Variants in RBM27 observed in about 807,000 individuals in gnomAD.
RBM27 encodes RNA binding motif protein 27.
Under a neutral mutation model 135.3 loss-of-function variants are expected in RBM27, and 22 were observed. That is an observed-to-expected ratio of 0.16 (90% CI 0.12 to 0.23). RBM27 has a LOEUF of 0.23. Ranked by LOEUF, RBM27 falls within the 10% of genes least tolerant of loss-of-function variation. The probability of loss-of-function intolerance (pLI) is 1.00; values close to 1 mark genes in which losing one functional copy is unlikely to be tolerated. For synonymous variants in RBM27, 481 were observed against 442.4 expected (o/e 1.09, Z -1.10); for missense variants, 1,009 against 1,281.0 (o/e 0.79, Z 3.24).
chr5:146,258,778 T>G (rs1277663045), intron 11 of RBM27, among the ~76,000 whole-genome samples, 185 bp downstream of exon 11: 3 of 152,040 alleles, frequency 2.0e-5, no homozygotes, highest in East Asian at 3.9e-4. Flanking sequence ...ATTTTTTTTT[T>G]TTTTTTAAAA....
rs1299824436 is a variant in RBM27 at position 146,251,889 on chromosome 5, C to T, written c.1444+14C>T. ...CTCTGGTTCCAGGTAAGCTTTGCTACAGATGGCCATCCACCTCACTGATCT... is the reference window on the plus strand; with the variant it reads ...CTCTGGTTCCAGGTAAGCTTTGCTATAGATGGCCATCCACCTCACTGATCT... On this transcript the variant is annotated intron_variant, in intron 9 of 20. Coordinates refer to ENST00000265271, the MANE Select transcript of RBM27 (RefSeq NM_018989.2). 6.2e-7 allele frequency: 1 copy of T among 1,611,640 alleles called. No individual in the cohort carries two copies. The highest frequency in any genetic ancestry group is 1.1e-5 in the South Asian group (1 of 91,002).
In RBM27 at chr5:146,269,236, GA is replaced by G; in HGVS notation, c.2488del (p.Arg830AspfsTer5). ...EAMKLQQDMRKKRQEVLEKQI... is the reference protein window; with the variant it reads ...EAMKLQQDMRXKRQEVLEKQI... ...CAATGAAGTTACAACAAGATATGAG[GA>G]AAAAAAGACAGGAAGTGTTAGAAAA... On this transcript the variant is annotated frameshift_variant, in exon 16 of 21. Coordinates refer to ENST00000265271, the MANE Select transcript of RBM27 (RefSeq NM_018989.2). LOFTEE classifies it high-confidence loss of function. The G allele has an allele frequency of 6.2e-7, 1 of 1,606,890 alleles. No homozygotes were observed. The highest frequency in any genetic ancestry group is 8.5e-7 in the Non-Finnish European group (1 of 1,175,928).
intron 8 of RBM27, among the ~76,000 whole-genome samples, chr5:146,240,546 C>T (rs1328838054): frequency 2.6e-5 from 4 of 152,126 alleles, no homozygotes; most frequent in African/African-American, 7.2e-5. Context: ...AGGCTGGTCT[C>T]GAACTCCTGA....
chr5:146,267,795 A>G (rs770686944), intron 15 of RBM27, 27 bp downstream of exon 15: 2 of 1,591,460 alleles, frequency 1.3e-6, no homozygotes, highest in Non-Finnish European at 1.7e-6. Context: ...TTCTTGCCTT[A>G]CAGAAGAAAA....
chr5:146,204,384 A>G (rs544146324), intron 1 of RBM27, among the ~76,000 whole-genome samples: 2 of 152,322 alleles, frequency 1.3e-5, no homozygotes, highest in Admixed American at 6.5e-5. Flanking sequence ...TTTGAAAAAT[A>G]CTATGGAGTA....
chr5:146,283,358 C>T (rs370399050), intron 19 of RBM27, among the ~76,000 whole-genome samples: 1 of 151,852 alleles, frequency 6.6e-6, no homozygotes, highest in South Asian at 2.1e-4. Context: ...TGGGCAACAT[C>T]GGGAGACCCC....
rs566323471 is a variant in RBM27 at position 146,204,972 on chromosome 5, A to C, written c.59+1148A>C. On this transcript the variant is annotated intron_variant, in intron 1 of 20. Transcript: ENST00000265271. ...GAGTGCAGTGGCTGGATTTCGGCTC[A>C]CTGCAACCTCCGCCTCCCGGGTTCA... Among the ~76,000 whole-genome samples the C allele has an allele frequency of 2.8e-4, 42 of 152,110 alleles. No homozygotes were observed. The East Asian group carries it at 6.8e-3, about 24-fold the overall frequency.
intron 8 of RBM27, among the ~76,000 whole-genome samples, chr5:146,244,105 T>G (rs1269948332): frequency 6.6e-6 from 1 of 152,064 alleles, no homozygotes; most frequent in Non-Finnish European, 1.5e-5. Flanking sequence ...TAGGCTGCAG[T>G]TGTCACTGGT....
At chr5:146,223,256 T>C (rs1180489197) in intron 2 of RBM27, 147 bp from the exon 3 acceptor site, 25 of 497,828 alleles carry the variant, frequency 5.0e-5, no homozygotes, top group Non-Finnish European at 6.6e-5. Flanking sequence ...AACCTGAAAG[T>C]GGGATTCTCT....
chr5:146,263,061 T>C (rs1396534230), intron 13 of RBM27, among the ~76,000 whole-genome samples: 2 of 152,060 alleles, frequency 1.3e-5, no homozygotes, highest in Non-Finnish European at 2.9e-5. Context: ...TTTTTGTATT[T>C]TTAGTAGAGA....
Position 146,277,276 on chromosome 5 carries a change from G to A in RBM27, c.2988+5602G>A, listed in dbSNP as rs1326383949. Among the ~76,000 whole-genome samples, 3 of 152,064 alleles carry A rather than the reference G, an allele frequency of 2.0e-5. 1 individual carries two copies. The highest frequency in any genetic ancestry group is 7.2e-5 in the African/African-American group (3 of 41,388). ...TTTCTAGCACCTGTATCTGTCATAT[G>A]TATACATACTACCCATGCTGTTTTG... is the stretch of plus-strand genomic sequence containing the variant. On this transcript the variant is annotated intron_variant, in intron 19 of 20. Transcript: ENST00000265271.
At chr5:146,226,344 T>C (rs1465328891) in intron 3 of RBM27, among the ~76,000 whole-genome samples, 1 of 152,124 alleles carries the variant, frequency 6.6e-6, no homozygotes, top group Non-Finnish European at 1.5e-5. Context: ...GGCAGCTGAT[T>C]TGAATATGAG....
chr5:146,249,325 C>A (rs1757778459), intron 8 of RBM27, among the ~76,000 whole-genome samples: 1 of 152,128 alleles, frequency 6.6e-6, no homozygotes, highest in Non-Finnish European at 1.5e-5. Context: ...GCTGATAGGT[C>A]ACTCTTCACA....
chr5:146,284,857 C>A, intron 20 of RBM27, 125 bp downstream of exon 20: 1 of 572,518 alleles, frequency 1.7e-6, no homozygotes, highest in Non-Finnish European at 3.1e-6. Context: ...AATTAAGACC[C>A]GTTTAGATGT....
At chr5:146,273,511 C>A (rs1016037261) in intron 19 of RBM27, among the ~76,000 whole-genome samples, 1 of 151,518 alleles carries the variant, frequency 6.6e-6, no homozygotes, top group Non-Finnish European at 1.5e-5. Flanking sequence ...CTTTTTTTTT[C>A]TTTTTTGATA....
intron 3 of RBM27, among the ~76,000 whole-genome samples, chr5:146,224,982 C>G (rs1756607837): frequency 6.6e-6 from 1 of 152,162 alleles, no homozygotes; most frequent in East Asian, 1.9e-4. Context: ...GTATTTCCTA[C>G]ATATAAGGAA....
chr5:146,242,647 G>A (rs1343324737), intron 8 of RBM27, among the ~76,000 whole-genome samples: 8 of 152,182 alleles, frequency 5.3e-5, no homozygotes, highest in Non-Finnish European at 1.2e-4. Context: ...AGGCTGGAGT[G>A]CAGTGGTGCG....
chr5:146,230,781 C>G lies in RBM27; in HGVS notation c.714C>G (p.Ser238Arg). The G allele has an allele frequency of 6.2e-7, 1 of 1,614,020 alleles. No homozygotes were observed. The highest frequency in any genetic ancestry group is 8.5e-7 in the Non-Finnish European group (1 of 1,179,920). Reference protein sequence around the residue: ...QYSSGAQSIPSTVTVIAPAHH... With the variant: ...QYSSGAQSIPRTVTVIAPAHH... ...CCTCTGGGGCACAGTCTATTCCCAG[C>G]ACTGTTACTGTGATCGCACCTGCTC... Residue 238 changes from serine to arginine, a missense_variant, in exon 6 of 21, where the codon AGC becomes AGG. Ser to Arg is a moderately radical substitution (Grantham distance 110, BLOSUM62 -1). Coordinates refer to ENST00000265271, the MANE Select transcript of RBM27 (RefSeq NM_018989.2).
At chr5:146,212,796 G>A (rs577659142) in intron 1 of RBM27, among the ~76,000 whole-genome samples, 18 of 151,820 alleles carry the variant, frequency 1.2e-4, no homozygotes, top group African/African-American at 3.6e-4. Context: ...TGCAACCTCC[G>A]TCTCCTGGAT....
Sources: allele counts gnomAD v4.1 joint callset (sites outside exome capture counted in the v4.1 genomes callset), GRCh38; gene constraint gnomAD v4.1.1; transcripts MANE v1.5; gene names NCBI Gene and HGNC (gene_info 2026-07-23, HGNC 2026-07-21).